Variants in PSEN1 observed in about 807,000 individuals in gnomAD.
PSEN1 encodes presenilin-1.
A neutral mutation model predicts 53.5 loss-of-function variants in PSEN1; 15 were observed. The observed-to-expected ratio is 0.28, with a 90% CI of 0.19 to 0.43. The LOEUF (loss-of-function observed/expected upper bound fraction) is 0.43. PSEN1 is among the 20% of genes least tolerant of loss of function. The probability of loss-of-function intolerance (pLI) is 1.00; values close to 1 mark genes in which losing one functional copy is unlikely to be tolerated. For missense variants in PSEN1, 387 were observed against 571.2 expected, an observed-to-expected ratio of 0.68 and a Z score of 3.29; for synonymous variants, 208 against 209.8, an observed-to-expected ratio of 0.99 and a Z score of 0.08.
chr14:73,221,306 A>T lies in PSEN1; in HGVS notation c.*2017A>T, dbSNP rs538178628. On this transcript the variant is annotated 3_prime_UTR_variant, in exon 12 of 12. Transcript: ENST00000324501. ...CTAGCATGGGTATTATCATTGAGAA[A>T]GCACAGCTACAGCAAAGCCACCTGA... 17 of 152,354 alleles carry T rather than the reference A, an allele frequency of 1.1e-4. No individual in the cohort carries two copies. The East Asian group carries it at 2.1e-3, about 19-fold the overall frequency. 9.4% of individuals were successfully genotyped at this position (152,354 alleles called of 1,614,324 possible). A position where few individuals can be genotyped will look rare whatever the true frequency, so the allele number is the denominator to read the frequency against.
At chr14:73,213,458 G>T (rs1330736224) in intron 10 of PSEN1, among the ~76,000 whole-genome samples, 1 of 151,640 alleles carries the variant, frequency 6.6e-6, no homozygotes, top group East Asian at 1.9e-4. Context: ...GCTAACTTCA[G>T]ATCAGTATTT....
Position 73,220,522 on chromosome 14 carries a change from TG to T in PSEN1, c.*1237del, listed in dbSNP as rs1405284370. 18 of 152,264 alleles carry T rather than the reference TG, an allele frequency of 1.2e-4. No homozygotes were observed. The highest frequency in any genetic ancestry group is 2.2e-4 in the Non-Finnish European group (15 of 68,034). The allele number at this position is 152,264 out of a possible 1,614,324, so 9.4% of individuals were successfully genotyped here. A position where few individuals can be genotyped will look rare whatever the true frequency, so the allele number is the denominator to read the frequency against. On this transcript the variant is annotated 3_prime_UTR_variant, in exon 12 of 12. Transcript: ENST00000324501. The stretch of plus-strand genomic sequence containing the variant: ...AGTTGTATCAACACAAAGCAAGAGT[TG>T]GGGAAAGCCATATTTAACTTGGTGA...
At chr14:73,203,843 C>T (rs968017050) in intron 8 of PSEN1, among the ~76,000 whole-genome samples, 8 of 151,948 alleles carry the variant, frequency 5.3e-5, no homozygotes, top group Admixed American at 3.9e-4. Context: ...CAGTTGGGGG[C>T]GGGTATATTA....
chr14:73,197,149 G>A (rs1297636443), intron 7 of PSEN1, among the ~76,000 whole-genome samples: 1 of 151,892 alleles, frequency 6.6e-6, no homozygotes, highest in Non-Finnish European at 1.5e-5. Flanking sequence ...TAGCCAGGAT[G>A]GTCTTGATCT....
chr14:73,186,420 A>G (rs1472582941), intron 5 of PSEN1, among the ~76,000 whole-genome samples: 4 of 152,194 alleles, frequency 2.6e-5, no homozygotes, highest in Non-Finnish European at 4.4e-5. Flanking sequence ...AGGAGTACCA[A>G]TATCTAGGTA....
chr14:73,216,035 T>C (rs536786517), intron 10 of PSEN1, among the ~76,000 whole-genome samples: 6 of 152,024 alleles, frequency 3.9e-5, no homozygotes, highest in South Asian at 2.1e-4. Flanking sequence ...TAGCCCCAAA[T>C]TGAAAACAAT....
In PSEN1 at chr14:73,198,235, T is replaced by C. The variant is rs1275807076; in HGVS notation, c.868+106T>C. The C allele has an allele frequency of 6.9e-6, 5 of 724,156 alleles. No individual in the cohort carries two copies. The African/African-American group carries it at 7.0e-5, about 10-fold the overall frequency. 44.9% of individuals were successfully genotyped at this position (724,156 alleles called of 1,614,324 possible). On this transcript the variant is annotated intron_variant, in intron 8 of 11. Coordinates refer to ENST00000324501, the MANE Select transcript of PSEN1 (RefSeq NM_000021.4). ...TCATGGTACTTGTTCTCATCTTAAA[T>C]GCACAGCATTCCTGGAACTCCTGCA...
chr14:73,187,391 G>T (rs1211737788), intron 6 of PSEN1, among the ~76,000 whole-genome samples: 11 of 152,190 alleles, frequency 7.2e-5, no homozygotes, highest in Admixed American at 3.3e-4. Context: ...AGATGTGCCA[G>T]CCTGGCCTTT....
chr14:73,170,155 A>C (rs1897843561), intron 3 of PSEN1, among the ~76,000 whole-genome samples: 1 of 152,194 alleles, frequency 6.6e-6, no homozygotes, highest in Non-Finnish European at 1.5e-5. Context: ...GAGGATAACC[A>C]GAGGTCACTC....
rs750080931 is a variant in PSEN1 at position 73,211,864 on chromosome 14, C to T, written c.1051C>T (p.His351Tyr). The T allele has an allele frequency of 1.2e-6, 2 of 1,614,058 alleles. No homozygotes were observed. Among genetic ancestry groups the T allele is most frequent in the South Asian group, 1.1e-5 (1 of 91,060 alleles). Reference protein sequence around the residue: ...EAQRDSHLGPHRSTPESRAAV... With the variant: ...EAQRDSHLGPYRSTPESRAAV... ...CCAGAGGGACAGTCATCTAGGGCCT[C>T]ATCGCTCTACACCTGAGTCACGAGC... The change falls in exon 10 of 12, where the codon CAT becomes TAT. Residue 351 changes from histidine (H) to tyrosine (Y), a missense_variant. By Grantham distance (83) the His-to-Tyr change is moderately conservative. Coordinates refer to ENST00000324501, the MANE Select transcript of PSEN1 (RefSeq NM_000021.4).
chr14:73,209,245 TCA>T (rs1329168362), intron 9 of PSEN1, among the ~76,000 whole-genome samples: 1 of 152,144 alleles, frequency 6.6e-6, no homozygotes, highest in Non-Finnish European at 1.5e-5. Flanking sequence ...TCCTGCCAGC[TCA>T]CAGAGCATGC....
At chr14:73,141,368 C>A (rs1168146619) in intron 1 of PSEN1, among the ~76,000 whole-genome samples, 5 of 151,890 alleles carry the variant, frequency 3.3e-5, no homozygotes, top group Non-Finnish European at 7.4e-5. Flanking sequence ...CTCTTTTTAG[C>A]GTCTGCTGCT....
At chr14:73,217,056 A>C in intron 10 of PSEN1, 70 bp from the exon 11 acceptor site, 2 of 1,514,578 alleles carry the variant, frequency 1.3e-6, no homozygotes, top group Admixed American at 3.3e-5. Flanking sequence ...TAGGGCAGTG[A>C]TATTTTTGAA....
At chr14:73,156,727 A>C (rs1437483821) in intron 3 of PSEN1, among the ~76,000 whole-genome samples, 4 of 151,518 alleles carry the variant, frequency 2.6e-5, no homozygotes, top group Non-Finnish European at 5.9e-5. Context: ...CAGTGGCATG[A>C]TCTCGGCTCA....
intron 9 of PSEN1, among the ~76,000 whole-genome samples, chr14:73,211,438 G>A (rs779925337): frequency 6.6e-6 from 1 of 152,178 alleles, no homozygotes; most frequent in Non-Finnish European, 1.5e-5. Flanking sequence ...ACCACTCATA[G>A]GTTCATACCA....
rs1882655427 is a variant in PSEN1 at position 73,222,860 on chromosome 14, G to A, written c.*3571G>A. 1 of 152,168 alleles carries A rather than the reference G, an allele frequency of 6.6e-6. No individual in the cohort carries two copies. The highest frequency in any genetic ancestry group is 2.4e-5 in the African/African-American group (1 of 41,438). The allele number at this position is 152,168 out of a possible 1,614,324, so 9.4% of individuals were successfully genotyped here. Reference sequence around the variant, plus strand: ...CTAAATTTGCTGTTATGTCTATAAGGAACAGTTTGACCTGCCCTTCTCCTC... The same window carrying A: ...CTAAATTTGCTGTTATGTCTATAAGAAACAGTTTGACCTGCCCTTCTCCTC... On this transcript the variant is annotated 3_prime_UTR_variant, in exon 12 of 12. Transcript: ENST00000324501.
chr14:73,217,222 C>A lies in PSEN1; in HGVS notation c.1226C>A (p.Ala409Asp). Reference protein sequence around the residue: ...TASGDWNTTIACFVAILIGLC... With the variant: ...TASGDWNTTIDCFVAILIGLC... Reference sequence around the variant, plus strand: ...AGTGGAGACTGGAACACAACCATAGCCTGTTTCGTAGCCATATTAATTGTA... The same window carrying A: ...AGTGGAGACTGGAACACAACCATAGACTGTTTCGTAGCCATATTAATTGTA... Residue 409 changes from alanine to aspartate, a missense_variant, in exon 11 of 12, where the codon GCC becomes GAC. Ala to Asp is a moderately radical substitution (Grantham distance 126). Around this residue, in one of 4 missense-constraint regions of PSEN1, gnomAD observed 44 missense variants for 106.3 expected, o/e 0.41. Transcript: ENST00000324501. The A allele has an allele frequency of 6.2e-7, 1 of 1,614,052 alleles. No individual in the cohort carries two copies. Among genetic ancestry groups the A allele is most frequent in the Non-Finnish European group, 8.5e-7 (1 of 1,179,928 alleles).
intron 1 of PSEN1, among the ~76,000 whole-genome samples, chr14:73,137,396 C>T (rs1896777361): frequency 6.6e-6 from 1 of 152,090 alleles, no homozygotes; most frequent in Non-Finnish European, 1.5e-5. Flanking sequence ...GGAAGAAAGA[C>T]CTGGTTTAGA....
chr14:73,209,455 G>T (rs1899592255), intron 9 of PSEN1, among the ~76,000 whole-genome samples: 1 of 152,220 alleles, frequency 6.6e-6, no homozygotes, highest in Non-Finnish European at 1.5e-5. Flanking sequence ...GAGCATGTAG[G>T]TATATATGTA....
Sources: allele counts gnomAD v4.1 joint callset (sites outside exome capture counted in the v4.1 genomes callset), GRCh38; gene constraint gnomAD v4.1.1; regional missense constraint gnomAD v4.1.1; transcripts MANE v1.5; gene names NCBI Gene and HGNC (gene_info 2026-07-23, HGNC 2026-07-21).